KCNAB1: variants seen among roughly 807,000 people sequenced by gnomAD.
KCNAB1 encodes the protein potassium voltage-gated channel subfamily A regulatory beta subunit 1.
In KCNAB1, 35 loss-of-function variants were observed where a neutral mutation model predicts 64.6. The observed-to-expected ratio is 0.54, with a 90% confidence interval of 0.41 to 0.72. The LOEUF is 0.72. Among genes scored for constraint, KCNAB1 ranks in the 30% least tolerant of loss-of-function variants. The pLI is 0.00. For missense variants in KCNAB1, 401 were observed against 512.9 expected, an observed-to-expected ratio of 0.78 and a Z score of 2.11; for synonymous variants, 177 against 183.8, an observed-to-expected ratio of 0.96 and a Z score of 0.30.
chr3:156,360,552 T>G (rs746172527), intron 1 of KCNAB1, among the ~76,000 whole-genome samples: 2 of 151,732 alleles, frequency 1.3e-5, no homozygotes, highest in Non-Finnish European at 2.9e-5. Context: ...CTCTACAAAA[T>G]AAAAATAAAA....
chr3:156,480,307 T>G (rs1714693706), intron 8 of KCNAB1, among the ~76,000 whole-genome samples: 1 of 151,976 alleles, frequency 6.6e-6, no homozygotes, highest in African/African-American at 2.4e-5. Context: ...TATATATAAT[T>G]TAAATTTTCT....
intron 1 of KCNAB1, among the ~76,000 whole-genome samples, chr3:156,268,368 T>C (rs1718842144): frequency 6.6e-6 from 1 of 152,212 alleles, no homozygotes; most frequent in Non-Finnish European, 1.5e-5. Flanking sequence ...ACTGATTTCC[T>C]TTCTTTTGTG....
At chr3:156,366,561 G>C (rs896923299) in intron 1 of KCNAB1, among the ~76,000 whole-genome samples, 1 of 152,170 alleles carries the variant, frequency 6.6e-6, no homozygotes, top group Non-Finnish European at 1.5e-5. Context: ...TAGCCATAGC[G>C]TGGAGCTCCC....
At chr3:156,330,016 A>C (rs1446243431) in intron 1 of KCNAB1, among the ~76,000 whole-genome samples, 1 of 152,226 alleles carries the variant, frequency 6.6e-6, no homozygotes, top group Non-Finnish European at 1.5e-5. Context: ...CTTTGAAATC[A>C]TGAAATTTCA....
chr3:156,158,991 C>T (rs1715917355), intron 1 of KCNAB1, among the ~76,000 whole-genome samples: 1 of 151,944 alleles, frequency 6.6e-6, no homozygotes, highest in Non-Finnish European at 1.5e-5. Context: ...CCTAAGCTGC[C>T]TGACTGAGAA....
intron 1 of KCNAB1, among the ~76,000 whole-genome samples, chr3:156,154,898 C>T (rs1310480552): frequency 6.6e-6 from 1 of 152,132 alleles, no homozygotes; most frequent in African/African-American, 2.4e-5. Context: ...TCTTTCTGCC[C>T]CTTCTTCACA....
At chr3:156,227,084 TTATTC>T (rs1384628413) in intron 1 of KCNAB1, among the ~76,000 whole-genome samples, 6 of 152,244 alleles carry the variant, frequency 3.9e-5, no homozygotes, top group Admixed American at 2.0e-4. Flanking sequence ...TGCTTTTGGG[TTATTC>T]TATTCTATAA....
intron 1 of KCNAB1, among the ~76,000 whole-genome samples, chr3:156,138,551 G>A (rs1291882307): frequency 6.6e-6 from 1 of 152,126 alleles, no homozygotes; most frequent in Non-Finnish European, 1.5e-5. Context: ...TTTAGAACTA[G>A]GCTATAAAGG....
chr3:156,233,809 G>T (rs922233774), intron 1 of KCNAB1, among the ~76,000 whole-genome samples: 2 of 152,060 alleles, frequency 1.3e-5, no homozygotes, highest in African/African-American at 2.4e-5. Context: ...ACAAAAAAGA[G>T]GTGTCAAGGA....
In KCNAB1 at chr3:156,403,239, A is replaced by T. The variant is rs117609490; in HGVS notation, c.276-18377A>T. Among the ~76,000 whole-genome samples the T allele has an allele frequency of 6.6e-4, 100 of 152,308 alleles. 1 individual carries two copies. In the East Asian group the frequency reaches 0.018, roughly 28 times the overall value. ...AGGAAACTTCCAGGCTGCCAGAGTG[A>T]AGCCTGGTCACCATGCCATGTTGCC... On this transcript the variant is annotated intron_variant, in intron 1 of 13. Transcript: ENST00000490337.
At chr3:156,290,231 C>T (rs1251919955) in intron 1 of KCNAB1, among the ~76,000 whole-genome samples, 1 of 152,222 alleles carries the variant, frequency 6.6e-6, no homozygotes, top group Non-Finnish European at 1.5e-5. Context: ...ATATTTTGTC[C>T]TTCCCTCCCA....
chr3:156,430,967 G>A (rs1439094092), intron 2 of KCNAB1, among the ~76,000 whole-genome samples: 2 of 152,212 alleles, frequency 1.3e-5, no homozygotes, highest in East Asian at 3.8e-4. Context: ...CATCTCCAGA[G>A]TTAGGGTAGA....
chr3:156,457,242 A>G (rs566211866), intron 3 of KCNAB1: 19 of 1,353,664 alleles, frequency 1.4e-5, no homozygotes, highest in East Asian at 5.9e-5. Flanking sequence ...CCTTCAAGTA[A>G]CCCCTCAGTG....
chr3:156,475,771 G>T (rs1016106171), intron 8 of KCNAB1, among the ~76,000 whole-genome samples: 1 of 152,068 alleles, frequency 6.6e-6, no homozygotes, highest in Admixed American at 6.5e-5. Flanking sequence ...GTTATAGAAG[G>T]GTTATAGTAA....
chr3:156,372,966 A>G (rs559540036), intron 1 of KCNAB1, among the ~76,000 whole-genome samples: 2 of 152,372 alleles, frequency 1.3e-5, no homozygotes, highest in East Asian at 3.9e-4. Flanking sequence ...GCATTGGCAC[A>G]TGCCAGACAT....
At position 156,218,835 on chromosome 3, in the gene KCNAB1, A is replaced by G. The variant is rs1715510758; in HGVS notation, c.275+97949A>G. On this transcript the variant is annotated intron_variant, in intron 1 of 13. Coordinates refer to ENST00000490337, the MANE Select transcript of KCNAB1 (RefSeq NM_172160.3). The stretch of plus-strand genomic sequence containing the variant: ...TAAAATAAAATAAAAATAAATAAAT[A>G]AATAAATATAAAAAAAATAAAATAA... 2.7e-5 allele frequency among the ~76,000 whole-genome samples: 4 copies of G among 148,412 alleles called. No individual in the cohort carries two copies. In the South Asian group the frequency reaches 8.4e-4, roughly 31 times the overall value.
chr3:156,170,743 G>A (rs1185852236), intron 1 of KCNAB1, among the ~76,000 whole-genome samples: 1 of 152,130 alleles, frequency 6.6e-6, no homozygotes, highest in Non-Finnish European at 1.5e-5. Context: ...TACTTGGCAT[G>A]CACACCCCAA....
rs1341755098 is a variant in KCNAB1, at chr3:156,538,561, T to C, written c.*1814T>C. The stretch of plus-strand genomic sequence containing the variant: ...CTAATGGGAAATGTGATTTGATTGA[T>C]TTATTTGCTTAGAGTAATAAAAGCA... On this transcript the variant is annotated 3_prime_UTR_variant, in exon 14 of 14. Transcript: ENST00000490337. 6.7e-6 allele frequency: 1 copy of C among 149,902 alleles called. No individual in the cohort carries two copies. The highest frequency in any genetic ancestry group is 2.4e-5 in the African/African-American group (1 of 41,246). 9.3% of individuals were successfully genotyped at this position (149,902 alleles called of 1,614,324 possible).
intron 8 of KCNAB1, among the ~76,000 whole-genome samples, chr3:156,476,999 C>A (rs1382445287): frequency 1.3e-5 from 2 of 152,118 alleles, no homozygotes; most frequent in Non-Finnish European, 2.9e-5. Flanking sequence ...TCCCATCTTA[C>A]CCCTACCTTT....
Sources: allele counts gnomAD v4.1 joint callset (sites outside exome capture counted in the v4.1 genomes callset), GRCh38; gene constraint gnomAD v4.1.1; transcripts MANE v1.5; gene names NCBI Gene and HGNC (gene_info 2026-07-23, HGNC 2026-07-21).